Variants in TMEM120B observed in about 807,000 individuals in gnomAD.
The protein encoded by TMEM120B is transmembrane protein 120B.
Under a neutral mutation model 55.5 loss-of-function variants are expected in TMEM120B, and 31 were observed. The ratio of observed to expected loss-of-function variants is 0.56; its 90% confidence interval spans 0.42 to 0.75. The LOEUF (loss-of-function observed/expected upper bound fraction) is 0.75, where lower values mean the gene tolerates loss of function less well. Among genes scored for constraint, TMEM120B ranks in the 30% least tolerant of loss-of-function variants. TMEM120B has a pLI of 0.00. For synonymous variants in TMEM120B, 203 were observed against 176.3 expected, an observed-to-expected ratio of 1.15 and a Z score of -1.20; for missense variants, 399 against 425.5, an observed-to-expected ratio of 0.94 and a Z score of 0.55.
At position 121,781,197 on chromosome 12, in the gene TMEM120B, A is replaced by G; in HGVS notation, c.*5475A>G. The stretch of plus-strand genomic sequence containing the variant: ...GCCGGTCATAGTCTTCTTGCCCTGA[A>G]AGCACAGAGCAGCGGGGGTCAGGGG... On this transcript the variant is annotated 3_prime_UTR_variant, in exon 12 of 12. Transcript: ENST00000449592. 1 of 1,613,630 alleles carries G rather than the reference A, an allele frequency of 6.2e-7. No individual in the cohort carries two copies. The highest frequency in any genetic ancestry group is 8.5e-7 in the Non-Finnish European group (1 of 1,179,542).
intron 1 of TMEM120B, among the ~76,000 whole-genome samples, chr12:121,741,396 C>T (rs978287721): frequency 6.6e-6 from 1 of 152,170 alleles, no homozygotes. Flanking sequence ...ATGGCGCGAT[C>T]TCGGCTCACC....
chr12:121,764,771 A>G (rs1873794294), intron 6 of TMEM120B, among the ~76,000 whole-genome samples: 1 of 152,174 alleles, frequency 6.6e-6, no homozygotes, highest in Non-Finnish European at 1.5e-5. Flanking sequence ...GGGCGACCAG[A>G]GAGATGGGAG....
intron 1 of TMEM120B, among the ~76,000 whole-genome samples, chr12:121,717,947 C>T (rs1028161481): frequency 6.6e-6 from 1 of 152,180 alleles, no homozygotes; most frequent in Non-Finnish European, 1.5e-5. Flanking sequence ...TGAGCTACCG[C>T]ACCCAGCCGG....
At position 121,771,470 on chromosome 12, in the gene TMEM120B, T is replaced by C. The variant is rs1874051036; in HGVS notation, c.618-18T>C. On this transcript the variant is annotated intron_variant, in intron 7 of 11. Transcript: ENST00000449592. Reference sequence around the variant, plus strand: ...TCATAGTGGGCCCCACCTTTGTTTTTTCCTACCTTCTCTCCAGGCCTAATG... The same window carrying C: ...TCATAGTGGGCCCCACCTTTGTTTTCTCCTACCTTCTCTCCAGGCCTAATG... 6.2e-7 allele frequency: 1 copy of C among 1,612,744 alleles called. No homozygotes were observed. The highest frequency in any genetic ancestry group is 8.5e-7 in the Non-Finnish European group (1 of 1,178,754).
At chr12:121,756,151 C>T (rs1873469275) in intron 5 of TMEM120B, among the ~76,000 whole-genome samples, 1 of 152,148 alleles carries the variant, frequency 6.6e-6, no homozygotes, top group Non-Finnish European at 1.5e-5. Flanking sequence ...TCCTGGTCTC[C>T]AGAGCCCGTG....
intron 5 of TMEM120B, chr12:121,759,108 A>G (rs1873583329): frequency 1.2e-6 from 1 of 838,750 alleles, no homozygotes; most frequent in African/African-American, 1.9e-5. Flanking sequence ...AAAATAGAAC[A>G]TAGAGTGTCT....
intron 1 of TMEM120B, among the ~76,000 whole-genome samples, chr12:121,714,930 T>A (rs1375490574): frequency 6.6e-6 from 1 of 151,936 alleles, no homozygotes; most frequent in Non-Finnish European, 1.5e-5. Flanking sequence ...CAAGTGGGTG[T>A]TAGGGTTGGG....
chr12:121,713,029 G>A, intron 1 of TMEM120B, 65 bp downstream of exon 1: 1 of 1,366,612 alleles, frequency 7.3e-7, no homozygotes, highest in Non-Finnish European at 9.8e-7. Context: ...CCCTTCCTGA[G>A]CCCCCCGGCC....
intron 1 of TMEM120B, among the ~76,000 whole-genome samples, chr12:121,720,318 G>A (rs888919835): frequency 1.3e-5 from 2 of 152,180 alleles, no homozygotes; most frequent in Non-Finnish European, 2.9e-5. Context: ...CACGTTAGGC[G>A]AAGTCATCCT....
At chr12:121,749,905 C>CAA (rs112189031) in intron 3 of TMEM120B, among the ~76,000 whole-genome samples, 7 of 79,804 alleles carry the variant, frequency 8.8e-5, no homozygotes, top group Admixed American at 3.1e-4. Flanking sequence ...GACTCTGTCT[C>CAA]AAAAAAAAAA....
Position 121,773,447 on chromosome 12 carries a change from T to C in TMEM120B, c.706T>C (p.Tyr236His), listed in dbSNP as rs750077365. The change falls in exon 9 of 12, where the codon TAC (tyrosine) becomes CAC (histidine). Residue 236 changes from tyrosine (Y) to histidine (H), a missense_variant. Around this residue, in one of 3 missense-constraint regions of TMEM120B, gnomAD observed 260 missense variants for 303.9 expected, o/e 0.86. Coordinates refer to ENST00000449592, the MANE Select transcript of TMEM120B (RefSeq NM_001080825.2). ...CTGCGTCCAGTTCCTGCAATATTAT[T>C]ACCAGAGGGGCTGCCTCTACCGGCT... ...QSCVQFLQYYYQRGCLYRLRA... is the reference protein window; with the variant it reads ...QSCVQFLQYYHQRGCLYRLRA... 6.2e-7 allele frequency: 1 copy of C among 1,610,722 alleles called. No homozygotes were observed. Among genetic ancestry groups the C allele is most frequent in the Non-Finnish European group, 8.5e-7 (1 of 1,178,322 alleles).
At chr12:121,716,567 T>TTC (rs1894707263) in intron 1 of TMEM120B, among the ~76,000 whole-genome samples, 1 of 145,708 alleles carries the variant, frequency 6.9e-6, no homozygotes, top group African/African-American at 2.5e-5. Flanking sequence ...TTTTCTTTCT[T>TTC]TTTTTTTTTT....
At chr12:121,727,223 A>C (rs994167798) in intron 1 of TMEM120B, among the ~76,000 whole-genome samples, 16 of 151,892 alleles carry the variant, frequency 1.1e-4, no homozygotes, top group Non-Finnish European at 4.4e-5. Flanking sequence ...GCAGCCTCCA[A>C]GTCCCTGGTT....
chr12:121,766,750 C>T (rs976929319), intron 6 of TMEM120B, among the ~76,000 whole-genome samples: 1 of 152,150 alleles, frequency 6.6e-6, no homozygotes, highest in African/African-American at 2.4e-5. Flanking sequence ...CAGAGGCCAC[C>T]CAATGAGGAT....
rs2137423638 is a variant in TMEM120B at position 121,775,413 on chromosome 12, C to T, written c.907-196C>T. On this transcript the variant is annotated intron_variant, in intron 11 of 11. Transcript: ENST00000449592. This position sits in a 1 kb window ranked among gnomAD's most constrained non-coding sequence, Gnocchi z 4.3. ...CTGTGGATCCCAAGGAGGTTCGCCC[C>T]ATCGAGCCCTTCCCAGGCCCTGCCC... 5 of 984,630 alleles carry T rather than the reference C, an allele frequency of 5.1e-6. No homozygotes were observed. Among genetic ancestry groups the T allele is most frequent in the Middle Eastern group, 1.0e-3 (2 of 1,912 alleles). The allele number at this position is 984,630 out of a possible 1,614,324, so 61.0% of individuals were successfully genotyped here. A position where few individuals can be genotyped will look rare whatever the true frequency, so the allele number is the denominator to read the frequency against.
chr12:121,725,657 A>T (rs1358920746), intron 1 of TMEM120B, among the ~76,000 whole-genome samples: 1 of 152,192 alleles, frequency 6.6e-6, no homozygotes, highest in Admixed American at 6.6e-5. Flanking sequence ...GATCCATGCT[A>T]CAAAAACATG....
At chr12:121,767,925 G>A (rs934024472) in intron 6 of TMEM120B, among the ~76,000 whole-genome samples, 4 of 152,214 alleles carry the variant, frequency 2.6e-5, no homozygotes, top group Admixed American at 6.5e-5. Flanking sequence ...ATTTCTCAGG[G>A]GAGCTTTGGG....
intron 1 of TMEM120B, among the ~76,000 whole-genome samples, chr12:121,738,127 C>A (rs1011773610): frequency 6.6e-6 from 1 of 150,560 alleles, no homozygotes; most frequent in Non-Finnish European, 1.5e-5. Context: ...GGCATGGTGG[C>A]GCATGCCTGT....
intron 1 of TMEM120B, among the ~76,000 whole-genome samples, chr12:121,716,393 C>T (rs1024782296): frequency 6.6e-6 from 1 of 151,228 alleles, no homozygotes; most frequent in African/African-American, 2.4e-5. Flanking sequence ...GAAAGCTTAA[C>T]AATAGGAAGG....
Sources: gnomAD v4.1 joint callset for allele counts (sites outside exome capture counted in the v4.1 genomes callset) on GRCh38, gnomAD v4.1.1 for gene constraint, gnomAD v4.1.1 regional missense constraint, Gnocchi (gnomAD v3.1) non-coding constraint, MANE v1.5 for transcripts, NCBI Gene and HGNC (gene_info 2026-07-23, HGNC 2026-07-21) for gene names.